Variants in RBBP7 observed in about 807,000 individuals in gnomAD.
RBBP7 encodes the protein RB binding protein 7, chromatin remodeling factor, also known as histone-binding protein RBBP7.
RBBP7 carries 5 observed loss-of-function variants against 35.2 expected under a neutral mutation model. The ratio of observed to expected loss-of-function variants is 0.14; its 90% CI spans 0.07 to 0.30. RBBP7 has a LOEUF of 0.30. RBBP7 is among the 10% of genes least tolerant of loss of function. The probability of loss-of-function intolerance (pLI) is 1.00; values close to 1 mark genes in which losing one functional copy is unlikely to be tolerated. For missense variants in RBBP7, 155 were observed against 327.5 expected, an observed-to-expected ratio of 0.47 and a Z score of 4.07; for synonymous variants, 140 against 118.7, an observed-to-expected ratio of 1.18 and a Z score of -1.17.
chrX:16,852,111 A>G lies in RBBP7; in HGVS notation c.975T>C (p.Ser325=). The G allele has an allele frequency of 2.5e-6, 3 of 1,193,723 alleles. No homozygotes were observed. The highest frequency in any genetic ancestry group is 3.4e-6 in the Non-Finnish European group (3 of 879,222). Residue 325 remains serine, a synonymous_variant, in exon 9 of 12, where the codon TCT becomes TCC. Coordinates refer to ENST00000380087, the MANE Select transcript of RBBP7 (RefSeq NM_002893.4). ...HKDEIFQVHW[S]PHNETILASS... is the part of the protein sequence containing the mutation. ...AAGCCAGAATAGTTTCATTATGTGG[A>G]GACCAGTGGACCTAGTAATAGATAA...
intron 10 of RBBP7, chrX:16,848,817 G>C (rs1930147614): frequency 8.8e-6 from 1 of 114,082 alleles, no homozygotes; most frequent in South Asian, 3.6e-4. Flanking sequence ...GCATGGGAGG[G>C]AGATAGTGGG....
At chrX:16,860,997 A>C (rs1371279863) in intron 3 of RBBP7, among the ~76,000 whole-genome samples, 1 of 111,068 alleles carries the variant, frequency 9.0e-6, no homozygotes, top group Non-Finnish European at 1.9e-5. Context: ...AACATGACAA[A>C]ACCCAGTCTC....
intron 9 of RBBP7, among the ~76,000 whole-genome samples, chrX:16,851,472 A>G (rs942833881): frequency 8.9e-6 from 1 of 112,377 alleles, no homozygotes; most frequent in African/African-American, 3.2e-5. Flanking sequence ...TAAAATTCTT[A>G]GAACAGCAAG....
At chrX:16,851,156 AAAG>A (rs959220140) in intron 9 of RBBP7, among the ~76,000 whole-genome samples, 11 of 109,929 alleles carry the variant, frequency 1.0e-4, no homozygotes, top group East Asian at 5.6e-4. Flanking sequence ...AAGAAAAGAA[AAAG>A]AAGAAGAATT....
At chrX:16,851,101 G>A (rs756704033) in intron 9 of RBBP7, among the ~76,000 whole-genome samples, 2 of 100,482 alleles carry the variant, frequency 2.0e-5, no homozygotes, top group South Asian at 4.8e-4. Context: ...TCCAGCCTGC[G>A]TGACAGAGCA....
intron 3 of RBBP7, among the ~76,000 whole-genome samples, chrX:16,860,951 AT>A (rs1180687731): frequency 5.4e-5 from 6 of 111,634 alleles, no homozygotes; most frequent in Non-Finnish European, 1.9e-5. Context: ...AGGCAGGCGA[AT>A]CACTTGAGGC....
In RBBP7 at chrX:16,870,049, G is replaced by T; in HGVS notation, c.5C>A (p.Ala2Glu). The T allele has an allele frequency of 9.4e-7, 1 of 1,067,134 alleles. No individual in the cohort carries two copies. Among genetic ancestry groups the T allele is most frequent in the Non-Finnish European group, 1.2e-6 (1 of 812,642 alleles). The allele number at this position is 1,067,134 out of a possible 1,213,427, so 87.9% of individuals were successfully genotyped here. ...GCAGGGCCTCTTACTCTCTTTACTC[G>T]CCATCTTGCGTCGGGTCGTTCGCCC... MASKEMFEDTVE... is the reference protein window; with the variant it reads MESKEMFEDTVE... The change falls in exon 1 of 12, where the codon GCG becomes GAG. Residue 2 changes from alanine (A) to glutamate (E), a missense_variant. By Grantham distance (107) the Ala-to-Glu change is moderately radical. Coordinates refer to ENST00000380087, the MANE Select transcript of RBBP7 (RefSeq NM_002893.4).
At chrX:16,860,381 T>A (rs191430782) in intron 3 of RBBP7, among the ~76,000 whole-genome samples, 1 of 111,371 alleles carries the variant, frequency 9.0e-6, no homozygotes, top group African/African-American at 3.3e-5. Context: ...AATGATAATA[T>A]CCATTAAAAA....
rs1162773619 is a variant in RBBP7 at position 16,853,601 on chromosome X, AT to A, written c.758+80del. ...TAAAGCCATAACTTAAAAAAAAAAA[AT>A]CAAACTACAGCCTGCAGCAATCACT... is the stretch of plus-strand genomic sequence containing the variant. On this transcript the variant is annotated intron_variant, in intron 6 of 11. Coordinates refer to ENST00000380087, the MANE Select transcript of RBBP7 (RefSeq NM_002893.4). 14 of 935,582 alleles carry A rather than the reference AT, an allele frequency of 1.5e-5. No individual in the cohort carries two copies. In the Admixed American group the frequency reaches 5.4e-4, roughly 36 times the overall value. The allele number at this position is 935,582 out of a possible 1,213,427, so 77.1% of individuals were successfully genotyped here. A position where few individuals can be genotyped will look rare whatever the true frequency, so the allele number is the denominator to read the frequency against.
intron 2 of RBBP7, among the ~76,000 whole-genome samples, chrX:16,865,047 T>C (rs1348170716): frequency 3.4e-5 from 2 of 58,449 alleles, no homozygotes; most frequent in East Asian, 6.3e-4. Context: ...CTGGGCAACA[T>C]AGCAAGACCC....
In RBBP7 at chrX:16,853,862, A is replaced by G; in HGVS notation, c.598-20T>C. The G allele has an allele frequency of 9.3e-7, 1 of 1,076,454 alleles. No homozygotes were observed. Among genetic ancestry groups the G allele is most frequent in the South Asian group, 2.6e-5 (1 of 38,499 alleles). 88.7% of individuals were successfully genotyped at this position (1,076,454 alleles called of 1,213,427 possible). A position where few individuals can be genotyped will look rare whatever the true frequency, so the allele number is the denominator to read the frequency against. Reference sequence around the variant, plus strand: ...AACAGTCTAAGAGAGAAGGAGAGAAAAAAAAAAGAACAAGGGCTATAAGAG... The same window carrying G: ...AACAGTCTAAGAGAGAAGGAGAGAAGAAAAAAAGAACAAGGGCTATAAGAG... On this transcript the variant is annotated intron_variant, in intron 5 of 11. Coordinates refer to ENST00000380087, the MANE Select transcript of RBBP7 (RefSeq NM_002893.4).
At chrX:16,852,189 C>T (rs1301595011) in intron 8 of RBBP7, 67 bp from the exon 9 acceptor site, 1 of 931,779 alleles carries the variant, frequency 1.1e-6, no homozygotes, top group Non-Finnish European at 1.6e-6. Flanking sequence ...GGCTGTTGTT[C>T]TAATCTGATA....
At position 16,849,320 on chromosome X, in the gene RBBP7, T is replaced by C. The variant is rs1016178932; in HGVS notation, c.1041-19A>G. Reference sequence around the variant, plus strand: ...AATTTTACTGTAAGAATAAAGAATATAACGCTTTCATCAGTGAAATTCTTG... The same window carrying C: ...AATTTTACTGTAAGAATAAAGAATACAACGCTTTCATCAGTGAAATTCTTG... On this transcript the variant is annotated intron_variant, in intron 9 of 11. Coordinates refer to ENST00000380087, the MANE Select transcript of RBBP7 (RefSeq NM_002893.4). The C allele has an allele frequency of 2.1e-5, 25 of 1,190,470 alleles. No homozygotes were observed. The highest frequency in any genetic ancestry group is 8.8e-5 in the Admixed American group (4 of 45,237).
chrX:16,868,861 G>A (rs1042192813), intron 2 of RBBP7, among the ~76,000 whole-genome samples: 5 of 111,992 alleles, frequency 4.5e-5, no homozygotes, highest in Non-Finnish European at 7.5e-5. Flanking sequence ...CTCCAAACAC[G>A]ATTAATCTCA....
chrX:16,860,685 G>GAA (rs1316799740), intron 3 of RBBP7, among the ~76,000 whole-genome samples: 1 of 62,331 alleles, frequency 1.6e-5, no homozygotes, highest in African/African-American at 5.5e-5. Flanking sequence ...AAAAAAAAAA[G>GAA]AAAAAAAAAA....
At chrX:16,866,990 G>C (rs185701193) in intron 2 of RBBP7, among the ~76,000 whole-genome samples, 5 of 111,746 alleles carry the variant, frequency 4.5e-5, no homozygotes, top group Non-Finnish European at 9.4e-5. Context: ...ACATTCCTAA[G>C]TATTACATAT....
rs2147509715 is a variant in RBBP7, at chrX:16,844,993, TG to T, written c.*41del. On this transcript the variant is annotated 3_prime_UTR_variant, in exon 12 of 12. Coordinates refer to ENST00000380087, the MANE Select transcript of RBBP7 (RefSeq NM_002893.4). ...TGGCGCTTGATAAATCAAGCATTCATGTAGCATTACATTCAACAGAAACATT... is the reference window on the plus strand; with the variant it reads ...TGGCGCTTGATAAATCAAGCATTCATTAGCATTACATTCAACAGAAACATT... The T allele has an allele frequency of 8.9e-7, 1 of 1,127,845 alleles. No homozygotes were observed. The highest frequency in any genetic ancestry group is 3.0e-5 in the East Asian group (1 of 33,471). The allele number at this position is 1,127,845 out of a possible 1,213,427, so 92.9% of individuals were successfully genotyped here. A position where few individuals can be genotyped will look rare whatever the true frequency, so the allele number is the denominator to read the frequency against.
At chrX:16,859,734 G>A (rs1371761241) in intron 3 of RBBP7, among the ~76,000 whole-genome samples, 4 of 111,668 alleles carry the variant, frequency 3.6e-5, no homozygotes, top group African/African-American at 1.3e-4. Context: ...AGCTCACCCT[G>A]TGTCTCAGGT....
At position 16,845,010 on chromosome X, in the gene RBBP7, C is replaced by A; in HGVS notation, c.*25G>T. The A allele has an allele frequency of 8.4e-7, 1 of 1,185,271 alleles. No homozygotes were observed. Among genetic ancestry groups the A allele is most frequent in the Non-Finnish European group, 1.1e-6 (1 of 872,168 alleles). ...AGCATTCATGTAGCATTACATTCAA[C>A]AGAAACATTTCTCGTACTTTGGGTT... On this transcript the variant is annotated 3_prime_UTR_variant, in exon 12 of 12. Transcript: ENST00000380087.
Sources: gnomAD v4.1 joint callset for allele counts (sites outside exome capture counted in the v4.1 genomes callset) on GRCh38, gnomAD v4.1.1 for gene constraint, MANE v1.5 for transcripts, NCBI Gene and HGNC (gene_info 2026-07-23, HGNC 2026-07-21) for gene names.